Variants in SPEF2 observed in about 807,000 individuals in gnomAD.
The protein encoded by SPEF2 is sperm flagella and cilia-associated protein 2.
In SPEF2, 187 loss-of-function variants were observed where a neutral mutation model predicts 224.6. The observed-to-expected ratio is 0.83, with a 90% CI of 0.74 to 0.94. SPEF2 has a LOEUF of 0.94. SPEF2 is among the 40% of genes least tolerant of loss of function. The pLI is 0.00. For missense variants in SPEF2, 2,170 were observed against 2,135.6 expected (o/e 1.02, Z -0.32); for synonymous variants, 715 against 707.3 (o/e 1.01, Z -0.17).
Position 35,700,728 on chromosome 5 carries a change from A to G in SPEF2, c.2374A>G (p.Met792Val), listed in dbSNP as rs767145372. 1.1e-5 allele frequency: 17 copies of G among 1,613,786 alleles called. No homozygotes were observed. The highest frequency in any genetic ancestry group is 3.3e-4 in the Middle Eastern group (2 of 6,082). ...ATTAGATGTTTCAGATACTTCCTCAATGAGTCGCATGAATGATATTATAGG... is the reference window on the plus strand; with the variant it reads ...ATTAGATGTTTCAGATACTTCCTCAGTGAGTCGCATGAATGATATTATAGG... Reference protein sequence around the residue: ...ILLDVSDTSSMSRMNDIIAEE... With the variant: ...ILLDVSDTSSVSRMNDIIAEE... Residue 792 changes from methionine to valine, a missense_variant, in exon 16 of 37, where the codon ATG becomes GTG. Transcript: ENST00000356031.
intron 19 of SPEF2, among the ~76,000 whole-genome samples, chr5:35,712,093 A>G (rs948058938): frequency 1.3e-5 from 2 of 152,174 alleles, no homozygotes; most frequent in African/African-American, 2.4e-5. Context: ...TACTCACATC[A>G]TTCTTTGTAT....
At chr5:35,782,983 G>T (rs1005117974) in intron 30 of SPEF2, among the ~76,000 whole-genome samples, 20 of 152,122 alleles carry the variant, frequency 1.3e-4, no homozygotes, top group Non-Finnish European at 5.9e-5. Flanking sequence ...AAAATGCAAT[G>T]AAACAGTTGA....
intron 10 of SPEF2, among the ~76,000 whole-genome samples, chr5:35,688,521 T>C (rs990865291): frequency 6.6e-6 from 1 of 152,214 alleles, no homozygotes; most frequent in East Asian, 1.9e-4. Flanking sequence ...CATATGCTTT[T>C]TTTTATTTTA....
chr5:35,657,586 G>T (rs546616581), intron 7 of SPEF2, among the ~76,000 whole-genome samples: 1 of 152,144 alleles, frequency 6.6e-6, no homozygotes, highest in Non-Finnish European at 1.5e-5. Context: ...ACTTAGGATG[G>T]CCCTAATGTC....
chr5:35,658,425 C>T (rs1288825614), intron 7 of SPEF2, among the ~76,000 whole-genome samples: 3 of 152,206 alleles, frequency 2.0e-5, no homozygotes, highest in Non-Finnish European at 2.9e-5. Context: ...AGCTTTTCCT[C>T]ACGTTGGTAT....
intron 23 of SPEF2, among the ~76,000 whole-genome samples, chr5:35,750,357 C>A (rs1749219750): frequency 6.6e-6 from 1 of 152,068 alleles, no homozygotes; most frequent in Admixed American, 6.5e-5. Flanking sequence ...TCACTGGGAC[C>A]TAATTAAACC....
At chr5:35,712,694 T>C (rs1741407667) in intron 19 of SPEF2, 118 bp from the exon 20 acceptor site, 2 of 936,276 alleles carry the variant, frequency 2.1e-6, no homozygotes, top group Non-Finnish European at 3.3e-6. Context: ...AGCCATTTTA[T>C]GCAGTTCACA....
At chr5:35,720,824 T>C (rs1458216459) in intron 20 of SPEF2, among the ~76,000 whole-genome samples, 1 of 152,166 alleles carries the variant, frequency 6.6e-6, no homozygotes, top group African/African-American at 2.4e-5. Flanking sequence ...TTCTGGACAC[T>C]TCAGGGGCCC....
intron 36 of SPEF2, among the ~76,000 whole-genome samples, chr5:35,808,449 T>C (rs183965938): frequency 2.4e-3 from 367 of 152,122 alleles, no homozygotes; most frequent in African/African-American, 8.4e-3. Flanking sequence ...CCTTCTTGTG[T>C]CCAAGGGTTC....
intron 16 of SPEF2, among the ~76,000 whole-genome samples, chr5:35,703,511 G>C (rs929275173): frequency 6.6e-6 from 1 of 152,026 alleles, no homozygotes; most frequent in Non-Finnish European, 1.5e-5. Context: ...TGCAAAGATG[G>C]AGCCATTCAG....
In SPEF2 at chr5:35,800,118, G is replaced by C. The variant is rs772492274; in HGVS notation, c.4981G>C (p.Val1661Leu). The C allele has an allele frequency of 6.2e-7, 1 of 1,614,008 alleles. No homozygotes were observed. The highest frequency in any genetic ancestry group is 1.3e-5 in the African/African-American group (1 of 74,916). The stretch of plus-strand genomic sequence containing the variant: ...TGTTGGAACTCATGTCTTCCAACAA[G>C]TCAAAGCTTCCATTCCAAGTGCAGA... The part of the protein sequence containing the change: ...VAVGTHVFQQ[V>L]KASIPSAEKT... Residue 1661 changes from valine to leucine, a missense_variant, in exon 34 of 37, where the codon GTC becomes CTC. Val to Leu is a conservative substitution (Grantham distance 32, BLOSUM62 1). Transcript: ENST00000356031.
chr5:35,644,580 A>C, intron 4 of SPEF2, 55 bp downstream of exon 4: 8 of 1,386,668 alleles, frequency 5.8e-6, no homozygotes, highest in Non-Finnish European at 7.8e-6. Flanking sequence ...ACAGTTTGTG[A>C]TTTATGCGTA....
At chr5:35,694,222 A>G (rs1233599548) in intron 12 of SPEF2, 66 bp from the exon 13 acceptor site, 1 of 1,230,436 alleles carries the variant, frequency 8.1e-7, no homozygotes, top group African/African-American at 1.5e-5. Context: ...ATAGATATAA[A>G]ATTAGGAGGA....
chr5:35,617,896 T>G lies in SPEF2; in HGVS notation c.-102T>G. 8.7e-7 allele frequency: 1 copy of G among 1,146,936 alleles called. No individual in the cohort carries two copies. The highest frequency in any genetic ancestry group is 2.5e-5 in the East Asian group (1 of 39,230). 71.0% of individuals were successfully genotyped at this position (1,146,936 alleles called of 1,614,324 possible). A position where few individuals can be genotyped will look rare whatever the true frequency, so the allele number is the denominator to read the frequency against. On this transcript the variant is annotated 5_prime_UTR_variant, in exon 1 of 37. Transcript: ENST00000356031. The stretch of plus-strand genomic sequence containing the variant: ...TAGTTCCAGCCTGGATACGCTTCCA[T>G]AGCAAAGGGTTGCCCTTGGCTACAG...
At chr5:35,638,342 G>A (rs531540894) in intron 2 of SPEF2, among the ~76,000 whole-genome samples, 2 of 151,906 alleles carry the variant, frequency 1.3e-5, no homozygotes, top group Admixed American at 1.3e-4. Flanking sequence ...CAAGGTCATG[G>A]CTTATAAGGT....
At chr5:35,675,669 G>A (rs1366683131) in intron 10 of SPEF2, 5 of 250,284 alleles carry the variant, frequency 2.0e-5, no homozygotes, top group South Asian at 9.4e-5. Flanking sequence ...ACAGGCGCCC[G>A]CCACCACACC....
At chr5:35,793,133 C>T (rs777113620) in intron 31 of SPEF2, 26 bp from the exon 32 acceptor site, 1 of 1,598,028 alleles carries the variant, frequency 6.3e-7, no homozygotes, top group South Asian at 1.1e-5. Context: ...GTAGATATTC[C>T]AAAGATATTT....
At chr5:35,642,598 G>A (rs890452857) in intron 3 of SPEF2, among the ~76,000 whole-genome samples, 8 of 152,156 alleles carry the variant, frequency 5.3e-5, no homozygotes, top group African/African-American at 1.2e-4. Flanking sequence ...CTCATTAAAT[G>A]TGTTATTGAC....
chr5:35,782,491 G>A (rs1431251410), intron 30 of SPEF2, among the ~76,000 whole-genome samples: 1 of 151,994 alleles, frequency 6.6e-6, no homozygotes, highest in East Asian at 1.9e-4. Flanking sequence ...GCATATAACA[G>A]CCATTATGTT....
Sources: gnomAD v4.1 joint callset for allele counts (sites outside exome capture counted in the v4.1 genomes callset) on GRCh38, gnomAD v4.1.1 for gene constraint, MANE v1.5 for transcripts, NCBI Gene and HGNC (gene_info 2026-07-23, HGNC 2026-07-21) for gene names.